The following DLGAP2 variants were observed in gnomAD, a reference collection of about 807,000 sequenced individuals.
DLGAP2 encodes disks large-associated protein 2.
A neutral mutation model predicts 100.3 loss-of-function variants in DLGAP2; 26 were observed. The observed-to-expected ratio is 0.26, with a 90% CI of 0.19 to 0.36. The LOEUF (loss-of-function observed/expected upper bound fraction) is 0.36. DLGAP2 is among the 10% of genes least tolerant of loss of function. The pLI is 1.00. For missense variants in DLGAP2, 1,858 were observed against 1,453.2 expected, an observed-to-expected ratio of 1.28 and a Z score of -4.53; for synonymous variants, 886 against 630.1, an observed-to-expected ratio of 1.41 and a Z score of -6.08.
chr8:904,176 G>A (rs1299004256), intron 1 of DLGAP2, among the ~76,000 whole-genome samples: 2 of 152,246 alleles, frequency 1.3e-5, no homozygotes, highest in Admixed American at 6.5e-5. Flanking sequence ...TGTGTGGACA[G>A]TGTGACCGGG....
chr8:1,262,007 C>T (rs890524374), intron 3 of DLGAP2, among the ~76,000 whole-genome samples: 1 of 152,194 alleles, frequency 6.6e-6, no homozygotes, highest in Admixed American at 6.5e-5. Flanking sequence ...GCTTTCTTGT[C>T]AGAAAGCTGT....
chr8:771,473 C>G (rs372136254), intron 1 of DLGAP2, among the ~76,000 whole-genome samples: 1 of 152,194 alleles, frequency 6.6e-6, no homozygotes, highest in Non-Finnish European at 1.5e-5. Context: ...CTGCACTAGC[C>G]GGGTCTAAGG....
chr8:1,098,455 G>T (rs1804463692), intron 2 of DLGAP2, among the ~76,000 whole-genome samples: 1 of 152,186 alleles, frequency 6.6e-6, no homozygotes, highest in Admixed American at 6.5e-5. Context: ...TTACAACTTG[G>T]TGGGTAAATC....
At chr8:1,020,860 C>T (rs1801605536) in intron 2 of DLGAP2, among the ~76,000 whole-genome samples, 1 of 152,198 alleles carries the variant, frequency 6.6e-6, no homozygotes, top group Non-Finnish European at 1.5e-5. Flanking sequence ...ACAAGAGTGA[C>T]TCTGGCCAGC....
chr8:1,073,387 AT>A (rs1336247515), intron 2 of DLGAP2, among the ~76,000 whole-genome samples: 41 of 152,166 alleles, frequency 2.7e-4, no homozygotes, highest in Admixed American at 8.5e-4. Context: ...TCACTCTGAA[AT>A]TTTTTTTAAT....
At chr8:1,683,325 C>T (rs1382340663) in intron 12 of DLGAP2, among the ~76,000 whole-genome samples, 1 of 151,430 alleles carries the variant, frequency 6.6e-6, no homozygotes, top group Non-Finnish European at 1.5e-5. Context: ...CAAGAGTCCA[C>T]GCAGAGGCAG....
At chr8:1,180,450 G>A (rs1797357414) in intron 2 of DLGAP2, among the ~76,000 whole-genome samples, 1 of 152,202 alleles carries the variant, frequency 6.6e-6, no homozygotes. Context: ...TCTGCTTCAG[G>A]CCCGTGTGCC....
intron 4 of DLGAP2, among the ~76,000 whole-genome samples, chr8:1,529,378 G>C (rs1291589795): frequency 6.6e-6 from 1 of 152,116 alleles, no homozygotes; most frequent in East Asian, 1.9e-4. Context: ...TTTAGATGGA[G>C]ACACAAAGCC....
At chr8:1,226,121 AAAAT>A (rs1798410440) in intron 2 of DLGAP2, among the ~76,000 whole-genome samples, 1 of 152,216 alleles carries the variant, frequency 6.6e-6, no homozygotes, top group Non-Finnish European at 1.5e-5. Flanking sequence ...AAATAGCAGA[AAAAT>A]AAATAGCTCA....
chr8:940,627 G>C (rs961196272), intron 2 of DLGAP2, among the ~76,000 whole-genome samples: 1 of 152,116 alleles, frequency 6.6e-6, no homozygotes, highest in Non-Finnish European at 1.5e-5. Context: ...CGTTTTCGGG[G>C]GAAGGGGGAA....
chr8:1,593,697 C>G (rs1227014325), intron 6 of DLGAP2, among the ~76,000 whole-genome samples: 1 of 134,852 alleles, frequency 7.4e-6, no homozygotes, highest in African/African-American at 2.5e-5. Context: ...CAAGAGAGCT[C>G]CCAGAGTCTG....
intron 1 of DLGAP2, among the ~76,000 whole-genome samples, chr8:767,330 G>C (rs980157349): frequency 1.3e-5 from 2 of 151,396 alleles, no homozygotes; most frequent in African/African-American, 4.9e-5. Context: ...AGGTGTTGCT[G>C]GCTACTGGCT....
chr8:1,195,211 T>G (rs73670666), intron 2 of DLGAP2, among the ~76,000 whole-genome samples: 2 of 152,024 alleles, frequency 1.3e-5, no homozygotes, highest in African/African-American at 2.4e-5. Context: ...TCATCCCAGC[T>G]GGGACTGGGG....
intron 2 of DLGAP2, among the ~76,000 whole-genome samples, chr8:1,216,191 G>A (rs186483002): frequency 1.5e-3 from 236 of 152,326 alleles, no homozygotes; most frequent in Non-Finnish European, 2.4e-3. Flanking sequence ...TAATAGCTGC[G>A]CTTAACCATG....
chr8:1,450,693 G>T (rs1172842455), intron 3 of DLGAP2, among the ~76,000 whole-genome samples: 1 of 152,014 alleles, frequency 6.6e-6, no homozygotes, highest in Non-Finnish European at 1.5e-5. Flanking sequence ...AATGGCCTAT[G>T]TCCCCAGGGC....
chr8:1,105,220 CA>C (rs1244598652), intron 2 of DLGAP2, among the ~76,000 whole-genome samples: 1 of 152,176 alleles, frequency 6.6e-6, no homozygotes, highest in Non-Finnish European at 1.5e-5. Context: ...ATCCATTCTA[CA>C]GAGAAAAAGT....
At chr8:1,430,009 T>C (rs866139041) in intron 3 of DLGAP2, among the ~76,000 whole-genome samples, 2 of 61,352 alleles carry the variant, frequency 3.3e-5, no homozygotes, top group African/African-American at 8.8e-5. Flanking sequence ...TATATATACA[T>C]ATATATATAT....
At chr8:931,895 G>C (rs1798967095) in intron 2 of DLGAP2, among the ~76,000 whole-genome samples, 1 of 152,138 alleles carries the variant, frequency 6.6e-6, no homozygotes, top group African/African-American at 2.4e-5. Context: ...GAATTCATTT[G>C]GCCTCTGTCT....
At chr8:1,203,700 G>T (rs180785767) in intron 2 of DLGAP2, among the ~76,000 whole-genome samples, 5 of 152,122 alleles carry the variant, frequency 3.3e-5, no homozygotes. Flanking sequence ...CCTTATTCTC[G>T]CTCTATACCC....
Sources: gnomAD v4.1 joint callset for allele counts (sites outside exome capture counted in the v4.1 genomes callset) on GRCh38, gnomAD v4.1.1 for gene constraint, MANE v1.5 for transcripts, NCBI Gene and HGNC (gene_info 2026-07-23, HGNC 2026-07-21) for gene names.